Variants in RPA3 observed in about 807,000 individuals in gnomAD.
RPA3 encodes replication protein A 14 kDa subunit.
RPA3 carries 24 observed loss-of-function variants against 13.7 expected under a neutral mutation model. The observed-to-expected ratio is 1.75, with a 90% confidence interval of 1.27 to 2.46. The LOEUF is 2.46. RPA3 is among the 30% of genes most tolerant of loss of function. The pLI is 0.00. For missense variants in RPA3, 183 were observed against 151.0 expected, an observed-to-expected ratio of 1.21 and a Z score of -1.11; for synonymous variants, 59 against 51.2, an observed-to-expected ratio of 1.15 and a Z score of -0.65.
At chr7:7,696,704 C>T (rs1280084240) in intron 2 of RPA3, among the ~76,000 whole-genome samples, 2 of 152,130 alleles carry the variant, frequency 1.3e-5, no homozygotes, top group Non-Finnish European at 2.9e-5. Flanking sequence ...GATTTTTCTG[C>T]CTCTAGAACT....
chr7:7,661,908 G>T (rs1036054994), intron 4 of RPA3, among the ~76,000 whole-genome samples: 3 of 152,188 alleles, frequency 2.0e-5, no homozygotes, highest in African/African-American at 7.2e-5. Flanking sequence ...TGCACCCACA[G>T]CTGCCCCTTC....
At chr7:7,657,191 C>T (rs1176871337) in intron 4 of RPA3, among the ~76,000 whole-genome samples, 1 of 151,988 alleles carries the variant, frequency 6.6e-6, no homozygotes, top group Non-Finnish European at 1.5e-5. Context: ...TGTTTAAATT[C>T]TTTCTAGAGT....
intron 4 of RPA3, among the ~76,000 whole-genome samples, chr7:7,653,635 G>C (rs993549170): frequency 1.3e-5 from 2 of 152,194 alleles, no homozygotes; most frequent in Non-Finnish European, 2.9e-5. Flanking sequence ...CTGAAGAAAA[G>C]GGCAGTATTC....
chr7:7,654,861 C>T (rs1350030594), intron 4 of RPA3, among the ~76,000 whole-genome samples: 2 of 151,394 alleles, frequency 1.3e-5, no homozygotes, highest in African/African-American at 4.9e-5. Flanking sequence ...CAAGATTGTG[C>T]CCCTGTAACC....
At chr7:7,672,746 A>G (rs138871779) in intron 4 of RPA3, among the ~76,000 whole-genome samples, 2 of 152,094 alleles carry the variant, frequency 1.3e-5, no homozygotes, top group Admixed American at 1.3e-4. Context: ...AGTCAATTAA[A>G]TCTCCTTTCT....
intron 2 of RPA3, among the ~76,000 whole-genome samples, chr7:7,712,629 G>A (rs1281183500): frequency 2.0e-5 from 3 of 152,116 alleles, no homozygotes; most frequent in African/African-American, 7.2e-5. Flanking sequence ...TCTGTGAATA[G>A]TGAGTTTTGT....
chr7:7,654,995 A>G (rs1289440135), intron 4 of RPA3, among the ~76,000 whole-genome samples: 2 of 151,996 alleles, frequency 1.3e-5, no homozygotes, highest in Admixed American at 6.6e-5. Context: ...TGCAGGACCT[A>G]TGGATCTGGT....
chr7:7,643,711 C>CAA (rs34403294), intron 4 of RPA3, among the ~76,000 whole-genome samples: 18 of 66,964 alleles, frequency 2.7e-4, no homozygotes, highest in African/African-American at 8.4e-4. Flanking sequence ...GACTCCCTCT[C>CAA]AAAAAAAAAA....
chr7:7,645,980 G>T (rs1002272147), intron 4 of RPA3, among the ~76,000 whole-genome samples: 1 of 152,120 alleles, frequency 6.6e-6, no homozygotes, highest in African/African-American at 2.4e-5. Context: ...CTCGGCTGCC[G>T]TGTACTCAAA....
intron 2 of RPA3, among the ~76,000 whole-genome samples, chr7:7,714,055 AT>A (rs1356836506): frequency 6.6e-6 from 1 of 152,148 alleles, no homozygotes; most frequent in Non-Finnish European, 1.5e-5. Context: ...ATGTTTTAAG[AT>A]TTCCAAAAAT....
chr7:7,656,766 A>G (rs1013932449), intron 4 of RPA3, among the ~76,000 whole-genome samples: 4 of 152,208 alleles, frequency 2.6e-5, no homozygotes, highest in African/African-American at 9.7e-5. Flanking sequence ...ACAGTGCTGC[A>G]ATAAACATAC....
intron 2 of RPA3, among the ~76,000 whole-genome samples, chr7:7,712,433 C>G (rs1261256669): frequency 6.6e-6 from 1 of 152,010 alleles, no homozygotes; most frequent in Non-Finnish European, 1.5e-5. Flanking sequence ...CTGCTTTTGT[C>G]AGATTTATTC....
At chr7:7,648,272 G>C (rs1372980389) in intron 4 of RPA3, among the ~76,000 whole-genome samples, 1 of 152,182 alleles carries the variant, frequency 6.6e-6, no homozygotes, top group African/African-American at 2.4e-5. Context: ...GTGATTTGCT[G>C]TTTCTCTGCT....
At chr7:7,696,313 C>T (rs376019412) in intron 2 of RPA3, among the ~76,000 whole-genome samples, 1 of 149,366 alleles carries the variant, frequency 6.7e-6, no homozygotes, top group South Asian at 2.1e-4. Context: ...AAAAAAAAAA[C>T]ACCCCAAAAC....
rs186186294 is a variant in RPA3, at chr7:7,665,731, C to G, written c.-758+20099G>C. Reference sequence around the variant, plus strand: ...CCCCAGGCAACCTCTGATATACTTTCTTTCACTGTACACTAGTTTGTATTT... The same window carrying G: ...CCCCAGGCAACCTCTGATATACTTTGTTTCACTGTACACTAGTTTGTATTT... On this transcript the variant is annotated intron_variant, in intron 4 of 7. Transcript: ENST00000223129. 3.0e-4 allele frequency among the ~76,000 whole-genome samples: 45 copies of G among 152,124 alleles called. No individual in the cohort carries two copies. The East Asian group carries it at 8.3e-3, about 28-fold the overall frequency.
At chr7:7,702,849 A>G (rs1042180751) in intron 2 of RPA3, among the ~76,000 whole-genome samples, 2 of 152,140 alleles carry the variant, frequency 1.3e-5, no homozygotes, top group African/African-American at 2.4e-5. Context: ...AGACAAGTCA[A>G]CCAGTTTGTT....
Position 7,640,730 on chromosome 7 carries a change from C to T in RPA3, c.-312G>A, listed in dbSNP as rs1035504721. 6 of 295,454 alleles carry T rather than the reference C, an allele frequency of 2.0e-5. No individual in the cohort carries two copies. The highest frequency in any genetic ancestry group is 7.7e-5 in the East Asian group (1 of 12,956). The allele number at this position is 295,454 out of a possible 1,614,324, so 18.3% of individuals were successfully genotyped here. A position where few individuals can be genotyped will look rare whatever the true frequency, so the allele number is the denominator to read the frequency against. On this transcript the variant is annotated 5_prime_UTR_variant, in exon 5 of 8. Transcript: ENST00000223129. The stretch of plus-strand genomic sequence containing the variant: ...GGCGGAACCTGAGACTACCTTTCTG[C>T]GATCACAGGATTCCCGGCGGTGACT...
chr7:7,663,545 A>T (rs1048768820), intron 4 of RPA3, among the ~76,000 whole-genome samples: 2 of 152,188 alleles, frequency 1.3e-5, no homozygotes, highest in African/African-American at 4.8e-5. Context: ...AATACTAATT[A>T]GTAGTCTAAC....
chr7:7,698,188 A>G (rs1403584632), intron 2 of RPA3, among the ~76,000 whole-genome samples: 1 of 152,238 alleles, frequency 6.6e-6, no homozygotes, highest in Non-Finnish European at 1.5e-5. Flanking sequence ...TTTATTTTGA[A>G]TTGCTATATG....
Sources: allele counts gnomAD v4.1 joint callset (sites outside exome capture counted in the v4.1 genomes callset), GRCh38; gene constraint gnomAD v4.1.1; transcripts MANE v1.5; gene names NCBI Gene and HGNC (gene_info 2026-07-23, HGNC 2026-07-21).